The following FBXO42 variants were observed in gnomAD, a reference collection of about 807,000 sequenced individuals.
FBXO42 encodes F-box only protein 42.
Under a neutral mutation model 71.7 loss-of-function variants are expected in FBXO42, and 12 were observed. The observed-to-expected ratio is 0.17, with a 90% CI of 0.11 to 0.27. The LOEUF is 0.27. Among genes scored for constraint, FBXO42 ranks in the 10% least tolerant of loss-of-function variants. The pLI, the probability that FBXO42 is intolerant of heterozygous loss-of-function variation, is 1.00. For missense variants in FBXO42, 707 were observed against 911.9 expected, an observed-to-expected ratio of 0.78 and a Z score of 2.89; for synonymous variants, 325 against 327.5, an observed-to-expected ratio of 0.99 and a Z score of 0.08.
At chr1:16,302,360 C>G (rs1444491687) in intron 3 of FBXO42, among the ~76,000 whole-genome samples, 1 of 152,100 alleles carries the variant, frequency 6.6e-6, no homozygotes, top group Non-Finnish European at 1.5e-5. Context: ...CTATCCAAGA[C>G]TGGGTAATTT....
At chr1:16,347,289 G>C (rs1004418944) in intron 1 of FBXO42, among the ~76,000 whole-genome samples, 2 of 151,828 alleles carry the variant, frequency 1.3e-5, no homozygotes, top group African/African-American at 4.8e-5. Context: ...GCTGAGGCAG[G>C]TGGATCACTT....
intron 3 of FBXO42, among the ~76,000 whole-genome samples, chr1:16,298,536 G>A (rs996687201): frequency 6.6e-6 from 1 of 152,116 alleles, no homozygotes; most frequent in Admixed American, 6.6e-5. Flanking sequence ...CTGAGATGGA[G>A]TCTCACTCTG....
chr1:16,295,426 T>C (rs1410714877), intron 3 of FBXO42, among the ~76,000 whole-genome samples: 1 of 152,174 alleles, frequency 6.6e-6, no homozygotes, highest in East Asian at 1.9e-4. Flanking sequence ...AGTCTCCCTC[T>C]GTCAGCCAGG....
In FBXO42 at chr1:16,349,785, C is replaced by T. The variant is rs551765198; in HGVS notation, c.-18+2470G>A. On this transcript the variant is annotated intron_variant, in intron 1 of 9. Transcript: ENST00000375592. ...GCTGAGGCAGGAGAATCGCCTGAAC[C>T]GGAGAGGTGGAGGTTGCAGTGAGCC... is the stretch of plus-strand genomic sequence containing the variant. 6.6e-5 allele frequency among the ~76,000 whole-genome samples: 10 copies of T among 152,202 alleles called. No homozygotes were observed. In the East Asian group the frequency reaches 7.7e-4, roughly 12 times the overall value.
At position 16,294,913 on chromosome 1, in the gene FBXO42, T is replaced by C. The variant is rs1475963826; in HGVS notation, c.372A>G (p.Ala124=). ...TAGACTGATTAGCATCATAATAGCA[T>C]GCACCTAGAAAGAAAATACACAAAT... ...TPITQRFSHS[A]CYYDANQSMY... Residue 124 remains alanine, a synonymous_variant, in exon 4 of 10, where the codon GCA becomes GCG. Transcript: ENST00000375592. 1.9e-6 allele frequency: 3 copies of C among 1,597,272 alleles called. No homozygotes were observed. The highest frequency in any genetic ancestry group is 2.2e-5 in the East Asian group (1 of 44,584).
chr1:16,290,219 G>T (rs556507781), intron 4 of FBXO42, among the ~76,000 whole-genome samples: 2 of 152,298 alleles, frequency 1.3e-5, no homozygotes, highest in South Asian at 4.1e-4. Flanking sequence ...CTAAAGACAA[G>T]ATTTCACTGG....
intron 4 of FBXO42, among the ~76,000 whole-genome samples, chr1:16,263,710 C>T (rs1353452830): frequency 6.8e-6 from 1 of 146,832 alleles, no homozygotes; most frequent in African/African-American, 2.5e-5. Flanking sequence ...GCAACAAGAG[C>T]GAAACTCCGT....
intron 4 of FBXO42, among the ~76,000 whole-genome samples, chr1:16,283,914 A>C (rs949150363): frequency 6.6e-6 from 1 of 152,196 alleles, no homozygotes; most frequent in African/African-American, 2.4e-5. Context: ...TTTCTACTTG[A>C]AAACTTCTAT....
In FBXO42 at chr1:16,263,483, C is replaced by T. The variant is rs368543695; in HGVS notation, c.503-6724G>A. ...CAAACTTTCTTTAAAAGCACACGGC[C>T]GGCCAGGCGTGGTGGATCACCTGAG... On this transcript the variant is annotated intron_variant, in intron 4 of 9. Coordinates refer to ENST00000375592, the MANE Select transcript of FBXO42 (RefSeq NM_018994.3). Among the ~76,000 whole-genome samples, 16 of 150,768 alleles carry T rather than the reference C, an allele frequency of 1.1e-4. No homozygotes were observed. In the East Asian group the frequency reaches 2.0e-3, roughly 19 times the overall value.
chr1:16,271,258 GGTGTGTGTGT>G (rs57827739), intron 4 of FBXO42, among the ~76,000 whole-genome samples: 12,935 of 137,450 alleles, frequency 0.094, 662 homozygotes, highest in Non-Finnish European at 0.12. Flanking sequence ...TGTGTGTGTT[GGTGTGTGTGT>G]GTGTGTGTGT....
chr1:16,330,873 C>T (rs1470717631), intron 1 of FBXO42, among the ~76,000 whole-genome samples: 1 of 151,444 alleles, frequency 6.6e-6, no homozygotes, highest in Non-Finnish European at 1.5e-5. Context: ...ACTCAAGAGG[C>T]GGAGGTTGCA....
intron 4 of FBXO42, among the ~76,000 whole-genome samples, chr1:16,279,292 G>C (rs1201064818): frequency 6.6e-6 from 1 of 152,114 alleles, no homozygotes; most frequent in African/African-American, 2.4e-5. Context: ...TATTTCCAAC[G>C]GAGCTTCTAA....
intron 2 of FBXO42, among the ~76,000 whole-genome samples, chr1:16,311,030 T>TA (rs1363459570): frequency 1.4e-5 from 2 of 145,500 alleles, no homozygotes; most frequent in Admixed American, 1.4e-4. Context: ...ACAACCCAAT[T>TA]AAAAAATGGG....
At chr1:16,316,730 C>CAAAAA (rs71003274) in intron 1 of FBXO42, among the ~76,000 whole-genome samples, 29 of 51,504 alleles carry the variant, frequency 5.6e-4, no homozygotes, top group South Asian at 9.5e-4. Context: ...GAAAGACTCT[C>CAAAAA]AAAAAAAAAA....
At chr1:16,315,537 A>G (rs1032361068) in intron 1 of FBXO42, 102 bp from the exon 2 acceptor site, 2 of 1,220,322 alleles carry the variant, frequency 1.6e-6, no homozygotes, top group Non-Finnish European at 2.3e-6. Context: ...TTCCACTCTC[A>G]GTGTGAAATC....
chr1:16,323,721 C>T (rs998885901), intron 1 of FBXO42, among the ~76,000 whole-genome samples: 7 of 133,614 alleles, frequency 5.2e-5, no homozygotes, highest in Non-Finnish European at 1.1e-4. Context: ...ACCCAGGAGG[C>T]GGAGATTGCA....
In FBXO42 at chr1:16,248,961, A is replaced by G. The variant is rs2081562220; in HGVS notation, c.*1709T>C. 1 of 152,272 alleles carries G rather than the reference A, an allele frequency of 6.6e-6. No individual in the cohort carries two copies. The highest frequency in any genetic ancestry group is 2.4e-5 in the African/African-American group (1 of 41,480). The allele number at this position is 152,272 out of a possible 1,614,324, so 9.4% of individuals were successfully genotyped here. The stretch of plus-strand genomic sequence containing the variant: ...TCAGCATGATGTAACAGGAGAAAAC[A>G]CACTTATCAGTACACTTAGGCTGCC... On this transcript the variant is annotated 3_prime_UTR_variant, in exon 10 of 10. Coordinates refer to ENST00000375592, the MANE Select transcript of FBXO42 (RefSeq NM_018994.3).
intron 1 of FBXO42, among the ~76,000 whole-genome samples, chr1:16,336,394 T>C (rs1437340334): frequency 1.3e-5 from 2 of 151,802 alleles, no homozygotes; most frequent in Non-Finnish European, 2.9e-5. Flanking sequence ...AGTCTAGCTC[T>C]GTCACCCAGG....
intron 1 of FBXO42, among the ~76,000 whole-genome samples, chr1:16,325,532 T>C (rs552671012): frequency 3.3e-4 from 51 of 152,310 alleles, no homozygotes; most frequent in African/African-American, 1.2e-3. Flanking sequence ...AGATACCAGC[T>C]GCAGTTTTTA....
Sources: gnomAD v4.1 joint callset for allele counts (sites outside exome capture counted in the v4.1 genomes callset) on GRCh38, gnomAD v4.1.1 for gene constraint, MANE v1.5 for transcripts, NCBI Gene and HGNC (gene_info 2026-07-23, HGNC 2026-07-21) for gene names.